FRAS1: variants seen among roughly 807,000 people sequenced by gnomAD.
The protein encoded by FRAS1 is Fraser extracellular matrix complex subunit 1, also known as extracellular matrix organizing protein FRAS1.
Under a neutral mutation model 435.2 loss-of-function variants are expected in FRAS1, and 290 were observed. The ratio of observed to expected loss-of-function variants is 0.67; its 90% CI spans 0.61 to 0.73. The LOEUF (loss-of-function observed/expected upper bound fraction) is 0.73. FRAS1 is among the 30% of genes least tolerant of loss of function. The pLI is 0.00. For synonymous variants in FRAS1, 1,800 were observed against 1,851.0 expected, an observed-to-expected ratio of 0.97 and a Z score of 0.71; for missense variants, 4,860 against 5,001.5, an observed-to-expected ratio of 0.97 and a Z score of 0.85.
chr4:78,235,649 T>G (rs763390549), intron 2 of FRAS1, among the ~76,000 whole-genome samples: 14 of 152,006 alleles, frequency 9.2e-5, no homozygotes, highest in Non-Finnish European at 2.1e-4. Flanking sequence ...TATAAATGAG[T>G]GCAATAAAGT....
At chr4:78,534,986 T>C (rs1218568989) in intron 71 of FRAS1, among the ~76,000 whole-genome samples, 1 of 152,206 alleles carries the variant, frequency 6.6e-6, no homozygotes, top group African/African-American at 2.4e-5. Flanking sequence ...GTGTTCTCCA[T>C]CATGCTTTCT....
At chr4:78,235,907 C>G (rs1309333792) in intron 2 of FRAS1, among the ~76,000 whole-genome samples, 1 of 152,178 alleles carries the variant, frequency 6.6e-6, no homozygotes, top group African/African-American at 2.4e-5. Context: ...TGTGATCATG[C>G]CACTGCACTT....
In FRAS1 at chr4:78,181,378, G is replaced by C. The variant is rs1578170707; in HGVS notation, c.109-56132G>C. On this transcript the variant is annotated intron_variant, in intron 2 of 73. Coordinates refer to ENST00000512123, the MANE Select transcript of FRAS1 (RefSeq NM_025074.7). ...TTAATTCGTCTTTGACAGTTCCCCA[G>C]TTGTGAGATCCGCTACCTCCACGTT... 5.0e-6 allele frequency: 8 copies of C among 1,611,782 alleles called. No homozygotes were observed. In the East Asian group the frequency reaches 1.8e-4, roughly 36 times the overall value.
intron 29 of FRAS1, among the ~76,000 whole-genome samples, chr4:78,399,005 G>A (rs1032556000): frequency 7.2e-5 from 11 of 152,126 alleles, no homozygotes; most frequent in Non-Finnish European, 1.6e-4. Flanking sequence ...CTGGGCCCAA[G>A]TATATCATGG....
At chr4:78,102,331 A>T (rs1288793652) in intron 2 of FRAS1, among the ~76,000 whole-genome samples, 2 of 152,200 alleles carry the variant, frequency 1.3e-5, no homozygotes, top group East Asian at 1.9e-4. Flanking sequence ...AGTGAAGTTC[A>T]TGCCCAGAAT....
intron 20 of FRAS1, among the ~76,000 whole-genome samples, chr4:78,354,962 C>G (rs1730792642): frequency 6.6e-6 from 1 of 152,154 alleles, no homozygotes; most frequent in African/African-American, 2.4e-5. Flanking sequence ...GAAGCAGAGC[C>G]TTTGTGATTT....
Position 78,337,810 on chromosome 4 carries a change from C to T in FRAS1, c.2415C>T (p.Tyr805=). The part of the protein sequence containing the change: ...REEQFLNLVG[Y]CADCHHLCQH... Reference sequence around the variant, plus strand: ...AGCAGTTCCTCAACCTCGTGGGATACTGTGCTGGTGAGTGAAACTCCTGTG... The same window carrying T: ...AGCAGTTCCTCAACCTCGTGGGATATTGTGCTGGTGAGTGAAACTCCTGTG... The change falls in exon 20 of 74, where the codon TAC becomes TAT. Residue 805 remains tyrosine (Y), a synonymous_variant. Coordinates refer to ENST00000512123, the MANE Select transcript of FRAS1 (RefSeq NM_025074.7). 2 of 1,613,856 alleles carry T rather than the reference C, an allele frequency of 1.2e-6. No individual in the cohort carries two copies. Among genetic ancestry groups the T allele is most frequent in the Non-Finnish European group, 1.7e-6 (2 of 1,179,816 alleles).
intron 17 of FRAS1, among the ~76,000 whole-genome samples, chr4:78,317,877 T>C (rs1473020254): frequency 6.6e-6 from 1 of 152,240 alleles, no homozygotes; most frequent in Admixed American, 6.5e-5. Context: ...ATGACACTGC[T>C]GAGCAAACTG....
intron 2 of FRAS1, among the ~76,000 whole-genome samples, chr4:78,113,655 G>T (rs550693657): frequency 6.6e-6 from 1 of 152,024 alleles, no homozygotes; most frequent in African/African-American, 2.4e-5. Flanking sequence ...CATATCCTTT[G>T]CCCACTTGTT....
chr4:78,372,956 G>T, intron 24 of FRAS1, 98 bp downstream of exon 24: 9 of 1,343,820 alleles, frequency 6.7e-6, no homozygotes, highest in Non-Finnish European at 9.0e-6. Flanking sequence ...TTCCCCTTCT[G>T]GCTTTTTACC....
At chr4:78,153,963 T>A (rs75241370) in intron 2 of FRAS1, among the ~76,000 whole-genome samples, 6,412 of 152,218 alleles carry the variant, frequency 0.042, 186 homozygotes, top group Non-Finnish European at 0.062. Flanking sequence ...TACTCTACAA[T>A]TTTTTTCAGA....
intron 2 of FRAS1, among the ~76,000 whole-genome samples, chr4:78,178,875 G>A (rs1159824312): frequency 6.6e-6 from 1 of 152,182 alleles, no homozygotes; most frequent in Non-Finnish European, 1.5e-5. Context: ...TGTATGTGGA[G>A]TACCTACATA....
At chr4:78,272,603 T>C (rs1316859581) in intron 9 of FRAS1, among the ~76,000 whole-genome samples, 1 of 152,254 alleles carries the variant, frequency 6.6e-6, no homozygotes, top group Non-Finnish European at 1.5e-5. Context: ...GTCACGTTTG[T>C]CAAATATCAG....
intron 28 of FRAS1, among the ~76,000 whole-genome samples, chr4:78,384,736 C>CA (rs59148575): frequency 2.1e-3 from 291 of 140,966 alleles, no homozygotes; most frequent in Non-Finnish European, 2.7e-3. Flanking sequence ...TATACCGAAA[C>CA]AAAAAAAAAA....
intron 64 of FRAS1, 119 bp downstream of exon 64, chr4:78,511,625 T>C (rs893279602): frequency 1.3e-5 from 11 of 838,968 alleles, no homozygotes; most frequent in Middle Eastern, 2.6e-4. Flanking sequence ...TGATGATGAA[T>C]GCATCAGTAA....
chr4:78,263,400 T>C (rs1242649556), intron 6 of FRAS1, among the ~76,000 whole-genome samples: 1 of 152,226 alleles, frequency 6.6e-6, no homozygotes, highest in African/African-American at 2.4e-5. Context: ...ATTTGCCCTA[T>C]ATCAACCACC....
At chr4:78,158,368 T>A (rs1403860845) in intron 2 of FRAS1, among the ~76,000 whole-genome samples, 1 of 152,214 alleles carries the variant, frequency 6.6e-6, no homozygotes, top group Non-Finnish European at 1.5e-5. Flanking sequence ...CAATATTTTG[T>A]TTTAACTAGT....
chr4:78,438,864 C>T (rs750330333), intron 39 of FRAS1, 38 bp from the exon 40 acceptor site: 29 of 1,569,816 alleles, frequency 1.8e-5, no homozygotes, highest in Middle Eastern at 1.7e-4. Flanking sequence ...GGCTTGTCAT[C>T]GTGGCTTATT....
At chr4:78,252,280 T>C in intron 4 of FRAS1, 112 bp from the exon 5 acceptor site, 1 of 1,063,794 alleles carries the variant, frequency 9.4e-7, no homozygotes, top group Non-Finnish European at 1.4e-6. Context: ...ATTCCACCTT[T>C]CCCTGAGCTC....
Sources: gnomAD v4.1 joint callset for allele counts (sites outside exome capture counted in the v4.1 genomes callset) on GRCh38, gnomAD v4.1.1 for gene constraint, MANE v1.5 for transcripts, NCBI Gene and HGNC (gene_info 2026-07-23, HGNC 2026-07-21) for gene names.